CCDC149: variants seen among roughly 807,000 people sequenced by gnomAD.
CCDC149 encodes the protein coiled-coil domain-containing protein 149.
CCDC149 carries 45 observed loss-of-function variants against 59.9 expected under a neutral mutation model. The ratio of observed to expected loss-of-function variants is 0.75; its 90% CI spans 0.59 to 0.96. The LOEUF is 0.96. CCDC149 is among the 40% of genes least tolerant of loss of function. CCDC149 has a pLI of 0.00. For synonymous variants in CCDC149, 245 were observed against 260.6 expected (o/e 0.94, Z 0.58); for missense variants, 584 against 664.7 (o/e 0.88, Z 1.33).
At chr4:24,931,829 G>GCATATATATATATATATATATATA (rs1553862489) in intron 1 of CCDC149, among the ~76,000 whole-genome samples, 1 of 76,908 alleles carries the variant, frequency 1.3e-5, no homozygotes, top group Non-Finnish European at 2.4e-5. Flanking sequence ...TGGAGAGTAT[G>GCATATATATATATATATATATATA]TATATATATA....
intron 3 of CCDC149, among the ~76,000 whole-genome samples, chr4:24,863,953 A>C (rs990492524): frequency 2.6e-5 from 4 of 152,172 alleles, no homozygotes; most frequent in African/African-American, 9.7e-5. Context: ...TCTGCTTTTC[A>C]TTTGTTCAGG....
chr4:24,832,328 G>A (rs922242304), intron 8 of CCDC149, among the ~76,000 whole-genome samples: 1 of 152,150 alleles, frequency 6.6e-6, no homozygotes, highest in African/African-American at 2.4e-5. Flanking sequence ...CAATAGCAAG[G>A]TGGCACAAAG....
chr4:24,817,697 T>C (rs1318946043), intron 12 of CCDC149, among the ~76,000 whole-genome samples: 1 of 150,728 alleles, frequency 6.6e-6, no homozygotes, highest in Non-Finnish European at 1.5e-5. Context: ...CTCATCCGTA[T>C]GCAAGAGAGA....
intron 1 of CCDC149, among the ~76,000 whole-genome samples, chr4:24,895,883 A>G (rs146883014): frequency 6.6e-6 from 1 of 152,162 alleles, no homozygotes; most frequent in Non-Finnish European, 1.5e-5. Flanking sequence ...TCCAGCCTAT[A>G]CTGAAGTCTG....
intron 1 of CCDC149, among the ~76,000 whole-genome samples, chr4:24,969,814 C>T (rs1723907014): frequency 1.3e-5 from 2 of 152,222 alleles, no homozygotes; most frequent in Admixed American, 1.3e-4. Flanking sequence ...CTGTACCCTC[C>T]AAGCCTGCAC....
At chr4:24,864,510 C>T (rs1461553686) in intron 3 of CCDC149, among the ~76,000 whole-genome samples, 4 of 152,180 alleles carry the variant, frequency 2.6e-5, no homozygotes, top group African/African-American at 9.7e-5. Flanking sequence ...GATCCAACAG[C>T]ACTCCCCACT....
intron 1 of CCDC149, among the ~76,000 whole-genome samples, chr4:24,969,745 C>T (rs1164694835): frequency 1.3e-5 from 2 of 152,206 alleles, no homozygotes; most frequent in African/African-American, 4.8e-5. Context: ...GAATGGTAAC[C>T]TGCTGGTGGC....
chr4:24,911,064 G>T (rs892087513), intron 1 of CCDC149, among the ~76,000 whole-genome samples: 11 of 152,124 alleles, frequency 7.2e-5, no homozygotes, highest in Admixed American at 2.6e-4. Context: ...AACTCCTGAA[G>T]GACCTACTTC....
At chr4:24,939,153 C>T (rs967294948) in intron 1 of CCDC149, among the ~76,000 whole-genome samples, 8 of 152,200 alleles carry the variant, frequency 5.3e-5, no homozygotes, top group Non-Finnish European at 1.2e-4. Flanking sequence ...CCAGTAGGGG[C>T]GGACTGACAC....
Position 24,912,940 on chromosome 4 carries a change from C to T in CCDC149, c.-61G>A, listed in dbSNP as rs892756371. 1.5e-5 allele frequency: 16 copies of T among 1,043,418 alleles called. No individual in the cohort carries two copies. Among genetic ancestry groups the T allele is most frequent in the African/African-American group, 5.2e-5 (3 of 58,156 alleles). 64.6% of individuals were successfully genotyped at this position (1,043,418 alleles called of 1,614,324 possible). On this transcript the variant is annotated 5_prime_UTR_variant, in exon 1 of 13. Transcript: ENST00000635206. ...CCTCCTCGCGACGTCGCGTCGCCGC[C>T]GCCGCCCGGGCCCCGCGCGGCCCCG... is the stretch of plus-strand genomic sequence containing the variant.
intron 10 of CCDC149, among the ~76,000 whole-genome samples, chr4:24,822,172 G>T (rs79102366): frequency 7.9e-5 from 12 of 151,902 alleles, no homozygotes; most frequent in Non-Finnish European, 1.6e-4. Context: ...CAGATTAAAA[G>T]AAAAGAAACA....
intron 4 of CCDC149, among the ~76,000 whole-genome samples, chr4:24,841,596 G>C (rs1279066897): frequency 6.6e-6 from 1 of 152,214 alleles, no homozygotes; most frequent in Non-Finnish European, 1.5e-5. Context: ...TCAGCTGAGG[G>C]GGTCTAAGGA....
intron 1 of CCDC149, among the ~76,000 whole-genome samples, chr4:24,893,613 C>CTTTGTTTTTTTTTTTT (rs1720656790): frequency 1.5e-5 from 1 of 65,876 alleles, no homozygotes; most frequent in Non-Finnish European, 2.6e-5. Context: ...AAAATACAGA[C>CTTTGTTTTTTTTTTTT]TTTTTTTTTT....
At chr4:24,826,394 G>A (rs1295672497) in intron 9 of CCDC149, among the ~76,000 whole-genome samples, 5 of 152,202 alleles carry the variant, frequency 3.3e-5, no homozygotes, top group African/African-American at 4.8e-5. Flanking sequence ...TCCAGGTGGC[G>A]TTGATATGGT....
chr4:24,811,169 A>G (rs1714573317), intron 12 of CCDC149, among the ~76,000 whole-genome samples: 1 of 152,186 alleles, frequency 6.6e-6, no homozygotes, highest in Non-Finnish European at 1.5e-5. Context: ...TTTCTGTGCT[A>G]TTTATATTTT....
chr4:24,820,224 C>A, intron 11 of CCDC149: 1 of 430,014 alleles, frequency 2.3e-6, no homozygotes, highest in Non-Finnish European at 4.2e-6. Flanking sequence ...CCATTTTTTT[C>A]TTTCCTCTCA....
chr4:24,958,825 A>C (rs1723548789), intron 1 of CCDC149, among the ~76,000 whole-genome samples: 1 of 152,120 alleles, frequency 6.6e-6, no homozygotes, highest in South Asian at 2.1e-4. Context: ...TGAGGTCAGG[A>C]GTTTGAGACC....
chr4:24,889,684 TATAGAATAATA>T (rs561337220), intron 1 of CCDC149, among the ~76,000 whole-genome samples: 56 of 152,334 alleles, frequency 3.7e-4, no homozygotes, highest in South Asian at 8.3e-4. Flanking sequence ...GTTACTTCAT[TATAGAATAATA>T]ATTCAATTCG....
chr4:24,870,786 A>T (rs1259829829), intron 3 of CCDC149, among the ~76,000 whole-genome samples: 1 of 152,184 alleles, frequency 6.6e-6, no homozygotes, highest in African/African-American at 2.4e-5. Flanking sequence ...CTCAAAACCC[A>T]AAACACCTGG....
Sources: allele counts gnomAD v4.1 joint callset (sites outside exome capture counted in the v4.1 genomes callset), GRCh38; gene constraint gnomAD v4.1.1; transcripts MANE v1.5; gene names NCBI Gene and HGNC (gene_info 2026-07-23, HGNC 2026-07-21).